The following MACROD2 variants were observed in gnomAD, a reference collection of about 807,000 sequenced individuals.
The protein encoded by MACROD2 is mono-ADP ribosylhydrolase 2.
In MACROD2, 36 loss-of-function variants were observed where a neutral mutation model predicts 70.4. The observed-to-expected ratio is 0.51, with a 90% CI of 0.39 to 0.68. The LOEUF is 0.68. Among genes scored for constraint, MACROD2 ranks in the 30% least tolerant of loss-of-function variants. The pLI, the probability that MACROD2 is intolerant of heterozygous loss-of-function variation, is 0.00. For missense variants in MACROD2, 496 were observed against 538.4 expected (o/e 0.92, Z 0.78); for synonymous variants, 172 against 178.8 (o/e 0.96, Z 0.30).
chr20:14,779,631 G>T (rs1452195347), intron 5 of MACROD2, among the ~76,000 whole-genome samples: 2 of 151,960 alleles, frequency 1.3e-5, no homozygotes, highest in Non-Finnish European at 2.9e-5. Context: ...GGTTTATATT[G>T]TTAAGCAGTA....
At chr20:15,239,565 T>A (rs1362367555) in intron 6 of MACROD2, among the ~76,000 whole-genome samples, 4 of 152,168 alleles carry the variant, frequency 2.6e-5, no homozygotes, top group Non-Finnish European at 4.4e-5. Context: ...CAGCAGTATA[T>A]TAAACACCTA....
At chr20:15,643,497 G>A (rs1401252242) in intron 8 of MACROD2, among the ~76,000 whole-genome samples, 1 of 152,172 alleles carries the variant, frequency 6.6e-6, no homozygotes, top group East Asian at 1.9e-4. Context: ...GTCTCTGTCA[G>A]ATTGACTTAT....
intron 5 of MACROD2, among the ~76,000 whole-genome samples, chr20:14,741,097 G>A (rs895151379): frequency 4.6e-5 from 7 of 152,016 alleles, no homozygotes; most frequent in Admixed American, 6.6e-5. Context: ...GTTCATTTCG[G>A]TCATTTATAT....
At chr20:14,874,757 T>A (rs940771117) in intron 5 of MACROD2, among the ~76,000 whole-genome samples, 1 of 151,816 alleles carries the variant, frequency 6.6e-6, no homozygotes, top group Non-Finnish European at 1.5e-5. Context: ...CAGGCTGGAG[T>A]GCAGTGGTGC....
At chr20:15,390,221 C>T (rs563289372) in intron 6 of MACROD2, among the ~76,000 whole-genome samples, 28 of 152,288 alleles carry the variant, frequency 1.8e-4, no homozygotes, top group African/African-American at 2.9e-4. Flanking sequence ...ATGACTATTA[C>T]GGCAGAGTCC....
intron 5 of MACROD2, among the ~76,000 whole-genome samples, chr20:14,813,734 C>A (rs537232616): frequency 6.6e-6 from 1 of 152,020 alleles, no homozygotes; most frequent in Non-Finnish European, 1.5e-5. Flanking sequence ...AATCTGGAAG[C>A]TCATTCAAGC....
intron 10 of MACROD2, among the ~76,000 whole-genome samples, chr20:15,911,460 C>T (rs2065236456): frequency 6.6e-6 from 1 of 152,024 alleles, no homozygotes; most frequent in Non-Finnish European, 1.5e-5. Context: ...CCTTTCCACT[C>T]TCACTTTATT....
chr20:15,256,332 T>G (rs2077199289), intron 6 of MACROD2, among the ~76,000 whole-genome samples: 1 of 152,064 alleles, frequency 6.6e-6, no homozygotes, highest in Admixed American at 6.6e-5. Flanking sequence ...CTATTAACAC[T>G]TTTTGAAAAG....
At chr20:15,414,889 G>A in intron 6 of MACROD2, among the ~76,000 whole-genome samples, 1 of 152,184 alleles carries the variant, frequency 6.6e-6, no homozygotes, top group African/African-American at 2.4e-5. Context: ...CTGCCCCAGA[G>A]AAACGGAATC....
At chr20:14,962,510 GCTCTCT>G (rs550218484) in intron 5 of MACROD2, among the ~76,000 whole-genome samples, 1 of 144,346 alleles carries the variant, frequency 6.9e-6, no homozygotes, top group Non-Finnish European at 1.5e-5. Context: ...ACAGAATTTT[GCTCTCT>G]CTCTCTCTCT....
chr20:14,449,005 A>C (rs917768180), intron 3 of MACROD2, among the ~76,000 whole-genome samples: 2 of 152,122 alleles, frequency 1.3e-5, no homozygotes, highest in African/African-American at 2.4e-5. Context: ...CCACTTAGAG[A>C]ATCTTTTCTC....
At chr20:15,724,742 C>G (rs2050836448) in intron 8 of MACROD2, among the ~76,000 whole-genome samples, 1 of 152,040 alleles carries the variant, frequency 6.6e-6, no homozygotes, top group South Asian at 2.1e-4. Context: ...TTGTTCTTGT[C>G]CTTTAATATT....
At chr20:15,579,737 G>A (rs2048498533) in intron 8 of MACROD2, among the ~76,000 whole-genome samples, 1 of 152,192 alleles carries the variant, frequency 6.6e-6, no homozygotes, top group Non-Finnish European at 1.5e-5. Flanking sequence ...GTCACCTAGT[G>A]TAGAGATTTT....
intron 8 of MACROD2, among the ~76,000 whole-genome samples, chr20:15,842,932 A>C (rs2064189899): frequency 6.6e-6 from 1 of 152,158 alleles, no homozygotes; most frequent in Non-Finnish European, 1.5e-5. Context: ...TGCCCAAAAT[A>C]ATTTGACTAG....
At chr20:15,103,296 G>A (rs1200750650) in intron 5 of MACROD2, among the ~76,000 whole-genome samples, 1 of 152,086 alleles carries the variant, frequency 6.6e-6, no homozygotes, top group African/African-American at 2.4e-5. Flanking sequence ...GAGGTTCCAG[G>A]TATTACATGT....
At chr20:14,663,436 G>A (rs770933796) in intron 4 of MACROD2, among the ~76,000 whole-genome samples, 3 of 150,412 alleles carry the variant, frequency 2.0e-5, no homozygotes, top group Admixed American at 6.7e-5. Flanking sequence ...TCTGACATAG[G>A]TTTACCTATA....
chr20:14,445,584 A>G (rs2084173974), intron 3 of MACROD2, among the ~76,000 whole-genome samples: 1 of 152,108 alleles, frequency 6.6e-6, no homozygotes, highest in African/African-American at 2.4e-5. Context: ...TTTATCATAC[A>G]GTGTAAAACA....
chr20:14,128,107 G>C (rs966820876), intron 3 of MACROD2: 2 of 545,678 alleles, frequency 3.7e-6, no homozygotes, highest in Non-Finnish European at 7.2e-6. Flanking sequence ...ATGTGTGCTT[G>C]TTCACCAGAG....
chr20:14,889,884 T>C (rs1037091642), intron 5 of MACROD2, among the ~76,000 whole-genome samples: 1 of 152,104 alleles, frequency 6.6e-6, no homozygotes, highest in East Asian at 1.9e-4. Context: ...CAGAGTAATC[T>C]GTATGGGGAG....
Sources: allele counts gnomAD v4.1 joint callset (sites outside exome capture counted in the v4.1 genomes callset), GRCh38; gene constraint gnomAD v4.1.1; transcripts MANE v1.5; gene names NCBI Gene and HGNC (gene_info 2026-07-23, HGNC 2026-07-21).